Variants in PRKN observed in about 807,000 individuals in gnomAD.
PRKN encodes parkin RBR E3 ubiquitin protein ligase.
In PRKN, 56 loss-of-function variants were observed where a neutral mutation model predicts 59.5. That is an observed-to-expected ratio of 0.94 (90% CI 0.76 to 1.18). PRKN has a LOEUF of 1.18. Among genes scored for constraint, PRKN ranks in the 50% most tolerant of loss-of-function variants. PRKN has a pLI of 0.00. For synonymous variants in PRKN, 250 were observed against 222.1 expected (o/e 1.13, Z -1.12); for missense variants, 657 against 596.4 (o/e 1.10, Z -1.06).
rs1272833021 is a variant in PRKN at position 161,374,554 on chromosome 6, ATG to A, written c.1167+12238_1167+12239del. Reference sequence around the variant, plus strand: ...GTGTGGTGCATGTGTGTGGTGTGTGATGTGTGTGTGGTGTGTGTAATGGGTGT... The same window carrying A: ...GTGTGGTGCATGTGTGTGGTGTGTGATGTGTGTGGTGTGTGTAATGGGTGT... On this transcript the variant is annotated intron_variant, in intron 10 of 11. Transcript: ENST00000366898. 1.4e-3 allele frequency among the ~76,000 whole-genome samples: 25 copies of A among 17,908 alleles called. No homozygotes were observed. In the East Asian group the frequency reaches 0.021, roughly 15 times the overall value. The allele number at this position is 17,908 out of a possible 152,430, so 11.7% of individuals were successfully genotyped here.
At chr6:162,630,452 G>C (rs1011163096) in intron 1 of PRKN, among the ~76,000 whole-genome samples, 1 of 152,048 alleles carries the variant, frequency 6.6e-6, no homozygotes, top group Non-Finnish European at 1.5e-5. Flanking sequence ...AGCAGCCATC[G>C]ACATTAACAT....
At chr6:161,903,884 T>C (rs1171227630) in intron 6 of PRKN, among the ~76,000 whole-genome samples, 1 of 151,814 alleles carries the variant, frequency 6.6e-6, no homozygotes, top group Non-Finnish European at 1.5e-5. Flanking sequence ...TCAGTTAAGA[T>C]ATAGTCAAAT....
intron 2 of PRKN, among the ~76,000 whole-genome samples, chr6:162,400,637 G>A (rs1287843792): frequency 6.6e-6 from 1 of 152,062 alleles, no homozygotes; most frequent in East Asian, 1.9e-4. Context: ...TTAGGGTAAT[G>A]GAAAACAGTT....
intron 7 of PRKN, among the ~76,000 whole-genome samples, chr6:161,603,121 G>A (rs936596936): frequency 4.6e-5 from 7 of 152,118 alleles, no homozygotes; most frequent in South Asian, 2.1e-4. Flanking sequence ...ATTCATAAGC[G>A]TAGCAGCAAC....
intron 4 of PRKN, among the ~76,000 whole-genome samples, chr6:162,160,462 CATGTTCATT>C (rs1236710965): frequency 6.6e-6 from 1 of 152,050 alleles, no homozygotes. Context: ...TGGTTCTGGA[CATGTTCATT>C]ATGATAGCAG....
intron 2 of PRKN, among the ~76,000 whole-genome samples, chr6:162,427,523 A>C (rs1789294200): frequency 6.6e-6 from 1 of 152,236 alleles, no homozygotes; most frequent in South Asian, 2.1e-4. Context: ...CATTAATCTC[A>C]AAATATGATT....
At chr6:161,605,970 A>G (rs1782266697) in intron 7 of PRKN, among the ~76,000 whole-genome samples, 1 of 152,192 alleles carries the variant, frequency 6.6e-6, no homozygotes, top group African/African-American at 2.4e-5. Flanking sequence ...GAGTTTCCTC[A>G]GGAACCAACC....
chr6:161,654,974 C>G (rs1173044098), intron 7 of PRKN, among the ~76,000 whole-genome samples: 2 of 152,204 alleles, frequency 1.3e-5, no homozygotes, highest in African/African-American at 2.4e-5. Flanking sequence ...AAGCTCTGGT[C>G]TGAGAGCTGA....
At chr6:162,021,086 G>T (rs1280628467) in intron 5 of PRKN, among the ~76,000 whole-genome samples, 2 of 130,364 alleles carry the variant, frequency 1.5e-5, no homozygotes, top group Admixed American at 8.2e-5. Context: ...CTGGGTGACA[G>T]AACGAGACTC....
intron 2 of PRKN, among the ~76,000 whole-genome samples, chr6:162,357,769 G>C (rs1031594849): frequency 1.3e-5 from 2 of 152,138 alleles, no homozygotes; most frequent in Admixed American, 1.3e-4. Flanking sequence ...TAGATATGAA[G>C]GAAATTTAAA....
chr6:161,991,794 G>A (rs1315140157), intron 5 of PRKN, among the ~76,000 whole-genome samples: 1 of 152,072 alleles, frequency 6.6e-6, no homozygotes, highest in Non-Finnish European at 1.5e-5. Context: ...AGTGAGCCAA[G>A]AGCACACCAC....
intron 6 of PRKN, among the ~76,000 whole-genome samples, chr6:161,944,960 G>A (rs544740479): frequency 1.1e-4 from 16 of 152,268 alleles, no homozygotes; most frequent in African/African-American, 3.8e-4. Flanking sequence ...GGAGAGGAGA[G>A]AAACATGTTT....
intron 4 of PRKN, among the ~76,000 whole-genome samples, chr6:162,200,706 C>T (rs1037378705): frequency 1.1e-4 from 17 of 152,124 alleles, no homozygotes; most frequent in African/African-American, 2.2e-4. Context: ...ACATTTGGTG[C>T]ACCAATCTTA....
intron 9 of PRKN, among the ~76,000 whole-genome samples, chr6:161,425,810 A>G (rs929646350): frequency 6.6e-6 from 1 of 152,168 alleles, no homozygotes; most frequent in African/African-American, 2.4e-5. Context: ...TATAGACGAG[A>G]CGCCTTGCCA....
chr6:161,513,525 AT>A (rs34386533), intron 9 of PRKN, among the ~76,000 whole-genome samples: 428 of 142,774 alleles, frequency 3.0e-3, no homozygotes, highest in African/African-American at 7.3e-3. Flanking sequence ...ATTACAGCAC[AT>A]TTTTTTTTTT....
intron 7 of PRKN, among the ~76,000 whole-genome samples, chr6:161,655,746 C>G (rs1784321486): frequency 6.6e-6 from 1 of 152,156 alleles, no homozygotes; most frequent in Non-Finnish European, 1.5e-5. Flanking sequence ...ATTTAGTTCT[C>G]CTGCTGCTGA....
chr6:161,629,569 C>T (rs902390626), intron 7 of PRKN, among the ~76,000 whole-genome samples: 4 of 152,148 alleles, frequency 2.6e-5, no homozygotes, highest in Non-Finnish European at 5.9e-5. Context: ...ACAAAAGGCA[C>T]CCTATACATG....
intron 2 of PRKN, among the ~76,000 whole-genome samples, chr6:162,292,730 G>GAACTGA (rs1781497455): frequency 6.6e-6 from 1 of 152,022 alleles, no homozygotes; most frequent in Non-Finnish European, 1.5e-5. Flanking sequence ...GCCTTCCTTA[G>GAACTGA]ACCCACCAGG....
At chr6:162,132,499 C>T (rs116676333) in intron 4 of PRKN, among the ~76,000 whole-genome samples, 2,017 of 152,226 alleles carry the variant, frequency 0.013, 53 homozygotes, top group African/African-American at 0.045. Flanking sequence ...TCAATCTACA[C>T]GATGGACATA....
Sources: allele counts gnomAD v4.1 joint callset (sites outside exome capture counted in the v4.1 genomes callset), GRCh38; gene constraint gnomAD v4.1.1; transcripts MANE v1.5; gene names NCBI Gene and HGNC (gene_info 2026-07-23, HGNC 2026-07-21).